DDX10: variants seen among roughly 807,000 people sequenced by gnomAD.
The protein encoded by DDX10 is probable ATP-dependent RNA helicase DDX10.
DDX10 carries 74 observed loss-of-function variants against 104.3 expected under a neutral mutation model. The observed-to-expected ratio is 0.71, with a 90% confidence interval of 0.59 to 0.86. The LOEUF (loss-of-function observed/expected upper bound fraction) is 0.86. Among genes scored for constraint, DDX10 ranks in the 40% least tolerant of loss-of-function variants. The probability of loss-of-function intolerance (pLI) is 0.00; values close to 1 mark genes in which losing one functional copy is unlikely to be tolerated. For missense variants in DDX10, 952 were observed against 1,040.0 expected (o/e 0.92, Z 1.16); for synonymous variants, 351 against 353.4 (o/e 0.99, Z 0.08).
At chr11:108,781,458 A>G (rs1329944686) in intron 13 of DDX10, among the ~76,000 whole-genome samples, 1 of 152,054 alleles carries the variant, frequency 6.6e-6, no homozygotes, top group East Asian at 1.9e-4. Context: ...GGTAGCTCTT[A>G]TACAGTTGTT....
intron 16 of DDX10, among the ~76,000 whole-genome samples, chr11:108,871,455 C>T (rs536533862): frequency 1.3e-5 from 2 of 152,188 alleles, no homozygotes; most frequent in South Asian, 4.1e-4. Flanking sequence ...GCATTTGATT[C>T]ATCCCCTTTT....
At chr11:108,685,410 C>A (rs1467280894) in intron 6 of DDX10, among the ~76,000 whole-genome samples, 4 of 151,570 alleles carry the variant, frequency 2.6e-5, no homozygotes, top group Non-Finnish European at 4.4e-5. Flanking sequence ...TGCGCACACA[C>A]ACTGGCCTGC....
chr11:108,903,044 A>G (rs116223340), intron 16 of DDX10, among the ~76,000 whole-genome samples: 1,578 of 152,294 alleles, frequency 0.01, 24 homozygotes, highest in African/African-American at 0.036. Flanking sequence ...GCTGTATACC[A>G]AGAGAATTGA....
intron 13 of DDX10, among the ~76,000 whole-genome samples, chr11:108,739,208 G>T (rs1446532994): frequency 6.6e-6 from 1 of 152,158 alleles, no homozygotes; most frequent in Non-Finnish European, 1.5e-5. Context: ...TTAGGTAGTA[G>T]CAAAAAGTAG....
intron 16 of DDX10, among the ~76,000 whole-genome samples, chr11:108,914,845 A>AAAC (rs1863725794): frequency 6.6e-6 from 1 of 151,646 alleles, no homozygotes; most frequent in African/African-American, 2.4e-5. Context: ...TAAAAAAAAA[A>AAAC]AAAACTGGAA....
At chr11:108,852,026 G>A (rs753987808) in intron 15 of DDX10, 127 bp from the exon 16 acceptor site, 52 of 710,602 alleles carry the variant, frequency 7.3e-5, no homozygotes, top group Non-Finnish European at 1.2e-4. Context: ...GTAGTAGTCA[G>A]TAAATATTTG....
At chr11:108,689,137 T>C (rs2094248618) in intron 7 of DDX10, 75 bp downstream of exon 7, 9 of 1,479,682 alleles carry the variant, frequency 6.1e-6, no homozygotes, top group Middle Eastern at 3.5e-4. Context: ...TTAGACAAAT[T>C]ATTATATTGT....
In DDX10 at chr11:108,672,273, G is replaced by A. The variant is rs183931888; in HGVS notation, c.187-1194G>A. ...TTGCTGGGGATTGAAGAGTGTGTTGGCAGCCTGCCTCCTTCTGTAGGCATT... is the reference window on the plus strand; with the variant it reads ...TTGCTGGGGATTGAAGAGTGTGTTGACAGCCTGCCTCCTTCTGTAGGCATT... On this transcript the variant is annotated intron_variant, in intron 1 of 17. Transcript: ENST00000322536. 7.9e-5 allele frequency among the ~76,000 whole-genome samples: 12 copies of A among 152,120 alleles called. No individual in the cohort carries two copies. The East Asian group carries it at 2.3e-3, about 29-fold the overall frequency.
chr11:108,735,775 T>C (rs1020633250), intron 13 of DDX10, among the ~76,000 whole-genome samples: 2 of 152,128 alleles, frequency 1.3e-5, no homozygotes, highest in African/African-American at 4.8e-5. Context: ...AGTTGGTTTA[T>C]TGAACACTGA....
At chr11:108,786,481 C>T (rs1204290330) in intron 13 of DDX10, among the ~76,000 whole-genome samples, 7 of 150,940 alleles carry the variant, frequency 4.6e-5, no homozygotes, top group Non-Finnish European at 7.4e-5. Flanking sequence ...GTAATAATGG[C>T]GGTGTAAGTG....
chr11:108,836,136 C>G (rs1426872589), intron 13 of DDX10, among the ~76,000 whole-genome samples: 1 of 152,180 alleles, frequency 6.6e-6, no homozygotes, highest in Non-Finnish European at 1.5e-5. Flanking sequence ...TATTAAATGT[C>G]TCTGATATAA....
intron 13 of DDX10, among the ~76,000 whole-genome samples, chr11:108,738,496 A>G (rs991578352): frequency 2.0e-5 from 3 of 152,054 alleles, no homozygotes; most frequent in African/African-American, 7.2e-5. Flanking sequence ...GAGATATTTT[A>G]TTATCCAAGA....
intron 17 of DDX10, among the ~76,000 whole-genome samples, chr11:108,932,194 A>G (rs896489519): frequency 3.3e-5 from 5 of 151,994 alleles, no homozygotes; most frequent in African/African-American, 1.2e-4. Flanking sequence ...AACTTGATGT[A>G]TAAAACAGGC....
intron 13 of DDX10, among the ~76,000 whole-genome samples, chr11:108,790,291 G>A (rs1413679665): frequency 6.6e-6 from 1 of 152,140 alleles, no homozygotes; most frequent in Admixed American, 6.5e-5. Context: ...TCACTTTAGA[G>A]GCAAATCTCT....
Position 108,918,005 on chromosome 11 carries a change from G to A in DDX10, c.2437G>A (p.Glu813Lys), listed in dbSNP as rs1200079661. 1.2e-6 allele frequency: 2 copies of A among 1,613,650 alleles called. No individual in the cohort carries two copies. Among genetic ancestry groups the A allele is most frequent in the Non-Finnish European group, 1.7e-6 (2 of 1,179,800 alleles). ...TGAAGATTCAGATAGTGAAGATATG[G>A]AAAATAAAATAAGGTATGTTTTTAC... ...SSEDSDSEDMENKISDTKKKQ... is the reference protein window; with the variant it reads ...SSEDSDSEDMKNKISDTKKKQ... Residue 813 changes from glutamate (E) to lysine (K), a missense_variant, in exon 17 of 18, where the codon GAA becomes AAA. Physicochemically the swap from Glu to Lys is moderately conservative, Grantham distance 56. Around this residue, in one of 3 missense-constraint regions of DDX10, gnomAD observed 533 missense variants for 534.1 expected, o/e 1.00. Coordinates refer to ENST00000322536, the MANE Select transcript of DDX10 (RefSeq NM_004398.4).
rs185017804 is a variant in DDX10, at chr11:108,805,992, G to A, written c.1966-32454G>A. 2.5e-3 allele frequency among the ~76,000 whole-genome samples: 372 copies of A among 151,406 alleles called. 2 individuals are homozygous for A. Among genetic ancestry groups the A allele is most frequent in the Middle Eastern group, 0.021 (6 of 292 alleles). On this transcript the variant is annotated intron_variant, in intron 13 of 17. Transcript: ENST00000322536. The stretch of plus-strand genomic sequence containing the variant: ...TTTATTTTTTTTGAGATGGAGTTTC[G>A]CTCTTGTTGCCTAGGCTAGAGTGCA...
intron 17 of DDX10, among the ~76,000 whole-genome samples, chr11:108,924,572 A>G (rs1863883307): frequency 6.6e-6 from 1 of 152,194 alleles, no homozygotes; most frequent in Admixed American, 6.5e-5. Context: ...TGTTTCTAAA[A>G]ATCTGTTCCA....
At chr11:108,845,948 C>T (rs1453636609) in intron 15 of DDX10, among the ~76,000 whole-genome samples, 1 of 152,138 alleles carries the variant, frequency 6.6e-6, no homozygotes, top group African/African-American at 2.4e-5. Context: ...TTCAACTACT[C>T]ATTTTGTCCT....
intron 13 of DDX10, among the ~76,000 whole-genome samples, chr11:108,813,537 GA>G (rs1362968874): frequency 6.6e-6 from 1 of 152,070 alleles, no homozygotes; most frequent in Non-Finnish European, 1.5e-5. Flanking sequence ...TTGTTTTTCA[GA>G]TTGTCATTTG....
Sources: gnomAD v4.1 joint callset for allele counts (sites outside exome capture counted in the v4.1 genomes callset) on GRCh38, gnomAD v4.1.1 for gene constraint, gnomAD v4.1.1 regional missense constraint, MANE v1.5 for transcripts, NCBI Gene and HGNC (gene_info 2026-07-23, HGNC 2026-07-21) for gene names.